Variants in ANXA13 observed in about 807,000 individuals in gnomAD.
ANXA13 encodes annexin XIII.
Under a neutral mutation model 46.6 loss-of-function variants are expected in ANXA13, and 36 were observed. The ratio of observed to expected loss-of-function variants is 0.77; its 90% CI spans 0.59 to 1.02. The LOEUF is 1.02. ANXA13 is among the 50% of genes least tolerant of loss of function. The pLI, the probability that ANXA13 is intolerant of heterozygous loss-of-function variation, is 0.00. For missense variants in ANXA13, 417 were observed against 396.5 expected, an observed-to-expected ratio of 1.05 and a Z score of -0.44; for synonymous variants, 163 against 152.9, an observed-to-expected ratio of 1.07 and a Z score of -0.49.
chr8:123,698,057 G>C (rs1410903711), intron 4 of ANXA13, among the ~76,000 whole-genome samples: 1 of 152,222 alleles, frequency 6.6e-6, no homozygotes, highest in African/African-American at 2.4e-5. Flanking sequence ...GCTGCTTGTT[G>C]ATTTTTCATG....
chr8:123,695,058 T>A (rs1813305735), intron 6 of ANXA13, among the ~76,000 whole-genome samples: 1 of 151,970 alleles, frequency 6.6e-6, no homozygotes, highest in Non-Finnish European at 1.5e-5. Context: ...CTTGTTGTAG[T>A]CCTTACAGGC....
At chr8:123,705,022 C>A (rs1046511822) in intron 2 of ANXA13, among the ~76,000 whole-genome samples, 1 of 152,202 alleles carries the variant, frequency 6.6e-6, no homozygotes, top group Admixed American at 6.5e-5. Context: ...GTAGCTTAAA[C>A]CAAACTCATT....
intron 10 of ANXA13, 77 bp from the exon 11 acceptor site, chr8:123,681,436 G>A (rs1813036112): frequency 1.4e-6 from 2 of 1,419,496 alleles, no homozygotes; most frequent in Non-Finnish European, 1.9e-6. Context: ...TTCTACACAT[G>A]TTATACTCAT....
intron 1 of ANXA13, chr8:123,735,819 G>T (rs781300550): frequency 6.2e-7 from 1 of 1,612,228 alleles, no homozygotes; most frequent in African/African-American, 1.3e-5. Flanking sequence ...GACTGTCGAG[G>T]GTTGGGAGTC....
chr8:123,695,500 A>G lies in ANXA13; in HGVS notation c.471+2T>C, dbSNP rs765902202. The G allele has an allele frequency of 6.2e-7, 1 of 1,612,224 alleles. No homozygotes were observed. Among genetic ancestry groups the G allele is most frequent in the South Asian group, 1.1e-5 (1 of 90,998 alleles). ...AAACAGGTGACACCTCTTTCCTCTTACCTGCAGCAGAGACACCAGGATTTT... is the reference window on the plus strand; with the variant it reads ...AAACAGGTGACACCTCTTTCCTCTTGCCTGCAGCAGAGACACCAGGATTTT... On this transcript the variant is annotated splice_donor_variant, in intron 6 of 10. Coordinates refer to ENST00000419625, the MANE Select transcript of ANXA13 (RefSeq NM_004306.4). LOFTEE classifies it high-confidence loss of function.
rs116434944 is a variant in ANXA13 at position 123,721,804 on chromosome 8, T to C, written c.16-9051A>G. Among the ~76,000 whole-genome samples, 558 of 152,248 alleles carry C rather than the reference T, an allele frequency of 3.7e-3. 2 individuals are homozygous for C. Among genetic ancestry groups the C allele is most frequent in the African/African-American group, 0.013 (530 of 41,552 alleles). Reference sequence around the variant, plus strand: ...GGCATGGGTCCAGACCGTTTACAAATAGCAACTCATTTAATTCTCCCAACA... The same window carrying C: ...GGCATGGGTCCAGACCGTTTACAAACAGCAACTCATTTAATTCTCCCAACA... On this transcript the variant is annotated intron_variant, in intron 1 of 10. Coordinates refer to ENST00000419625, the MANE Select transcript of ANXA13 (RefSeq NM_004306.4).
Position 123,693,799 on chromosome 8 carries a change from G to T in ANXA13, c.472-20C>A. ...ATTAGCCTAGAAAAATTGACACATT[G>T]TTATTAACTTGCATTCCTGCTTGAC... On this transcript the variant is annotated intron_variant, in intron 6 of 10. Coordinates refer to ENST00000419625, the MANE Select transcript of ANXA13 (RefSeq NM_004306.4). The T allele has an allele frequency of 6.2e-7, 1 of 1,606,592 alleles. No individual in the cohort carries two copies. Among genetic ancestry groups the T allele is most frequent in the Non-Finnish European group, 8.5e-7 (1 of 1,174,342 alleles).
chr8:123,700,480 G>C (rs542626836), intron 3 of ANXA13, among the ~76,000 whole-genome samples: 1 of 152,182 alleles, frequency 6.6e-6, no homozygotes, highest in African/African-American at 2.4e-5. Flanking sequence ...CTAGCTTTGC[G>C]TTGTTGGGAT....
intron 10 of ANXA13, among the ~76,000 whole-genome samples, chr8:123,682,938 C>G (rs1246303724): frequency 1.3e-5 from 2 of 152,130 alleles, no homozygotes; most frequent in East Asian, 3.8e-4. Flanking sequence ...ATCACGGAAC[C>G]CTCACAAGCC....
chr8:123,720,125 C>G (rs1028994158), intron 1 of ANXA13, among the ~76,000 whole-genome samples: 4 of 152,216 alleles, frequency 2.6e-5, no homozygotes, highest in African/African-American at 9.6e-5. Context: ...TGGCTGCACT[C>G]TGCTCAGTAA....
At chr8:123,731,991 G>C (rs182874372) in intron 1 of ANXA13, among the ~76,000 whole-genome samples, 200 of 152,346 alleles carry the variant, frequency 1.3e-3, no homozygotes, top group Admixed American at 2.6e-3. Flanking sequence ...TCCAGCTTGG[G>C]GGGCAGGGGA....
chr8:123,692,305 A>G (rs1450673194), intron 8 of ANXA13, among the ~76,000 whole-genome samples: 1 of 152,236 alleles, frequency 6.6e-6, no homozygotes, highest in Non-Finnish European at 1.5e-5. Flanking sequence ...TGTGGGTCAC[A>G]ATAGTTGTTC....
intron 2 of ANXA13, among the ~76,000 whole-genome samples, chr8:123,709,395 C>T (rs1034326994): frequency 4.0e-5 from 6 of 151,484 alleles, no homozygotes; most frequent in African/African-American, 1.5e-4. Flanking sequence ...TCTCTCCCTC[C>T]CTCTCTCTTC....
At chr8:123,730,841 G>T (rs921360430) in intron 1 of ANXA13, among the ~76,000 whole-genome samples, 1 of 152,326 alleles carries the variant, frequency 6.6e-6, no homozygotes, top group Non-Finnish European at 1.5e-5. Context: ...TGGCAGCAGG[G>T]AGAGAGGGAA....
chr8:123,689,603 C>T (rs1813197734), intron 8 of ANXA13, among the ~76,000 whole-genome samples: 3 of 152,112 alleles, frequency 2.0e-5, no homozygotes, highest in Admixed American at 2.0e-4. Flanking sequence ...CTATATTCAC[C>T]ACTGGCTCAC....
intron 2 of ANXA13, among the ~76,000 whole-genome samples, chr8:123,707,456 C>G (rs968185375): frequency 6.6e-6 from 1 of 152,034 alleles, no homozygotes; most frequent in Non-Finnish European, 1.5e-5. Flanking sequence ...AAATGCCCAT[C>G]AATGATAGAC....
chr8:123,713,480 T>C (rs1041837142), intron 1 of ANXA13, among the ~76,000 whole-genome samples: 5 of 152,228 alleles, frequency 3.3e-5, no homozygotes, highest in African/African-American at 1.2e-4. Context: ...CTTAAAGTTA[T>C]CTTAAAAAGG....
At chr8:123,698,314 A>G (rs1247656389) in intron 4 of ANXA13, 75 bp downstream of exon 4, 1 of 1,512,702 alleles carries the variant, frequency 6.6e-7, no homozygotes, top group East Asian at 2.3e-5. Context: ...GCTGGGAAGT[A>G]GGGTCCCTTC....
rs1436066763 is a variant in ANXA13, at chr8:123,724,838, C to T, written c.16-12085G>A. ...CTGCAGACTGAGGACCATATCTGGCCCATTACTTATTTTTGTAAATAAAGT... is the reference window on the plus strand; with the variant it reads ...CTGCAGACTGAGGACCATATCTGGCTCATTACTTATTTTTGTAAATAAAGT... On this transcript the variant is annotated intron_variant, in intron 1 of 10. Transcript: ENST00000419625. 3.9e-5 allele frequency among the ~76,000 whole-genome samples: 6 copies of T among 152,278 alleles called. No individual in the cohort carries two copies. In the South Asian group the frequency reaches 1.2e-3, roughly 32 times the overall value.
Sources: allele counts gnomAD v4.1 joint callset (sites outside exome capture counted in the v4.1 genomes callset), GRCh38; gene constraint gnomAD v4.1.1; transcripts MANE v1.5; gene names NCBI Gene and HGNC (gene_info 2026-07-23, HGNC 2026-07-21).